Variants in TTC6 observed in about 807,000 individuals in gnomAD.
TTC6 encodes tetratricopeptide repeat protein 6.
A neutral mutation model predicts 210.4 loss-of-function variants in TTC6; 172 were observed. The observed-to-expected ratio is 0.82, with a 90% CI of 0.72 to 0.93. The LOEUF (loss-of-function observed/expected upper bound fraction) is 0.93. Ranked by LOEUF, TTC6 falls within the 40% of genes least tolerant of loss-of-function variation. The probability of loss-of-function intolerance (pLI) is 0.00; values close to 1 mark genes in which losing one functional copy is unlikely to be tolerated. For synonymous variants in TTC6, 804 were observed against 819.6 expected (o/e 0.98, Z 0.32); for missense variants, 2,414 against 2,318.1 (o/e 1.04, Z -0.85).
chr14:37,714,289 C>T (rs1046706625), intron 5 of TTC6, among the ~76,000 whole-genome samples: 8 of 151,930 alleles, frequency 5.3e-5, no homozygotes, highest in Admixed American at 3.3e-4. Flanking sequence ...CTTTGCCCCA[C>T]CCAAGAAATG....
At chr14:37,657,362 AAAAG>A (rs1257904490) in intron 1 of TTC6, among the ~76,000 whole-genome samples, 1 of 151,706 alleles carries the variant, frequency 6.6e-6, no homozygotes, top group Non-Finnish European at 1.5e-5. Context: ...AAAAAAAAAA[AAAAG>A]ACCATTTCCA....
chr14:37,722,808 A>C (rs111962431), intron 6 of TTC6, among the ~76,000 whole-genome samples: 1 of 152,292 alleles, frequency 6.6e-6, no homozygotes, highest in Non-Finnish European at 1.5e-5. Flanking sequence ...TTCTTCATTT[A>C]AAGTCTGTCT....
intron 1 of TTC6, among the ~76,000 whole-genome samples, chr14:37,675,484 A>AT (rs1415255362): frequency 6.6e-6 from 1 of 152,128 alleles, no homozygotes; most frequent in Non-Finnish European, 1.5e-5. Context: ...ATGAATGGAC[A>AT]TTTGGCTTGT....
At chr14:37,815,719 G>T (rs2096139854) in intron 25 of TTC6, among the ~76,000 whole-genome samples, 2 of 152,140 alleles carry the variant, frequency 1.3e-5, no homozygotes, top group Non-Finnish European at 2.9e-5. Flanking sequence ...CACATTAGTG[G>T]CTGTGTGGTT....
At chr14:37,606,303 T>C (rs909538321) in intron 1 of TTC6, among the ~76,000 whole-genome samples, 1 of 152,152 alleles carries the variant, frequency 6.6e-6, no homozygotes, top group Non-Finnish European at 1.5e-5. Context: ...TGCCTACTTC[T>C]CTTTAGGCCA....
At chr14:37,725,348 A>ATATATATATATATATG (rs1555391434) in intron 7 of TTC6, among the ~76,000 whole-genome samples, 5 of 113,274 alleles carry the variant, frequency 4.4e-5, no homozygotes, top group Admixed American at 9.7e-5. Context: ...ATATATATAT[A>ATATATATATATATATG]TATATATATA....
chr14:37,631,705 G>A (rs1341621140), intron 1 of TTC6, among the ~76,000 whole-genome samples: 3 of 152,182 alleles, frequency 2.0e-5, no homozygotes, highest in Admixed American at 1.3e-4. Flanking sequence ...CGTGAAGAGT[G>A]TTTTCCAACT....
intron 3 of TTC6, among the ~76,000 whole-genome samples, chr14:37,696,057 T>C (rs1005328808): frequency 3.0e-4 from 46 of 152,206 alleles, no homozygotes; most frequent in African/African-American, 1.1e-3. Flanking sequence ...GAACTTTCTT[T>C]ATTCTTCATT....
At chr14:37,792,281 A>G (rs1371287132) in exon 17 of TTC6, 3 of 1,514,534 alleles carry the variant, frequency 2.0e-6, no homozygotes, top group Middle Eastern at 1.7e-4. Flanking sequence ...ACTTTGGCTT[A>G]TGTAAATATT....
chr14:37,805,860 C>A (rs2096117459), intron 21 of TTC6, among the ~76,000 whole-genome samples: 1 of 152,112 alleles, frequency 6.6e-6, no homozygotes, highest in African/African-American at 2.4e-5. Flanking sequence ...GCCACCGCAC[C>A]TGGCTAATTT....
chr14:37,719,682 A>G (rs2095858261), intron 6 of TTC6, among the ~76,000 whole-genome samples: 2 of 152,194 alleles, frequency 1.3e-5, no homozygotes, highest in East Asian at 1.9e-4. Flanking sequence ...TAAGTCTTGC[A>G]TCCTATAAAA....
intron 20 of TTC6, 116 bp from the exon 23 acceptor site, chr14:37,804,564 T>A: frequency 7.5e-7 from 1 of 1,331,052 alleles, no homozygotes; most frequent in South Asian, 1.4e-5. Flanking sequence ...TGTCCCCAGA[T>A]AAAGTAAGAG....
intron 29 of TTC6, among the ~76,000 whole-genome samples, chr14:37,830,793 T>C (rs2096182963): frequency 1.3e-5 from 2 of 151,952 alleles, no homozygotes; most frequent in African/African-American, 2.4e-5. Flanking sequence ...TATTTCAAAA[T>C]GTTATATTTT....
intron 5 of TTC6, among the ~76,000 whole-genome samples, chr14:37,701,730 T>A (rs1184055708): frequency 6.6e-6 from 1 of 152,038 alleles, no homozygotes; most frequent in Non-Finnish European, 1.5e-5. Flanking sequence ...CATGAACCCA[T>A]TCCCAATTGT....
chr14:37,613,353 A>G (rs935994263), intron 2 of TTC6, among the ~76,000 whole-genome samples: 6 of 152,128 alleles, frequency 3.9e-5, no homozygotes, highest in Admixed American at 3.3e-4. Flanking sequence ...GTCAAAATGT[A>G]TTATCCTTTT....
At chr14:37,757,955 A>G (rs1258384496) in intron 14 of TTC6, among the ~76,000 whole-genome samples, 1 of 152,094 alleles carries the variant, frequency 6.6e-6, no homozygotes, top group African/African-American at 2.4e-5. Flanking sequence ...GTCATTCAGG[A>G]GCTGGTTGTT....
intron 1 of TTC6, among the ~76,000 whole-genome samples, chr14:37,672,852 T>G (rs2095761162): frequency 6.7e-6 from 1 of 148,578 alleles, no homozygotes; most frequent in African/African-American, 2.5e-5. Context: ...CTAAAAGCAC[T>G]GTAGTTTTCT....
At chr14:37,749,260 T>G in exon 11 of TTC6, 3 of 1,527,314 alleles carry the variant, frequency 2.0e-6, no homozygotes, top group Non-Finnish European at 2.6e-6. Flanking sequence ...AAGAGGTCAT[T>G]AAATATTATG....
intron 25 of TTC6, among the ~76,000 whole-genome samples, chr14:37,816,408 C>T (rs564688744): frequency 3.9e-5 from 6 of 152,178 alleles, no homozygotes; most frequent in African/African-American, 1.2e-4. Flanking sequence ...CTTTGATTAG[C>T]TCTTTTCTGG....
Sources: gnomAD v4.1 joint callset for allele counts (sites outside exome capture counted in the v4.1 genomes callset) on GRCh38, gnomAD v4.1.1 for gene constraint, MANE v1.5 for transcripts, NCBI Gene and HGNC (gene_info 2026-07-23, HGNC 2026-07-21) for gene names.